Variants in DCP1A observed in about 807,000 individuals in gnomAD.
The protein encoded by DCP1A is mRNA-decapping enzyme 1A.
A neutral mutation model predicts 58.0 loss-of-function variants in DCP1A; 20 were observed. The observed-to-expected ratio is 0.34, with a 90% confidence interval of 0.24 to 0.50. The LOEUF (loss-of-function observed/expected upper bound fraction) is 0.50. Ranked by LOEUF, DCP1A falls within the 20% of genes least tolerant of loss-of-function variation. The pLI, the probability that DCP1A is intolerant of heterozygous loss-of-function variation, is 0.98. For synonymous variants in DCP1A, 285 were observed against 275.1 expected (o/e 1.04, Z -0.36); for missense variants, 613 against 712.2 (o/e 0.86, Z 1.59).
intron 5 of DCP1A, among the ~76,000 whole-genome samples, chr3:53,306,179 CCCAAATGA>C (rs1253810899): frequency 6.6e-6 from 1 of 152,144 alleles, no homozygotes; most frequent in Non-Finnish European, 1.5e-5. Context: ...TTTTTTCCCA[CCCAAATGA>C]CTTAATCCTT....
intron 5 of DCP1A, 67 bp from the exon 6 acceptor site, chr3:53,304,357 CA>C: frequency 9.0e-7 from 1 of 1,112,398 alleles, no homozygotes; most frequent in East Asian, 2.4e-5. Flanking sequence ...GCTCACAAAA[CA>C]GCATCTGAGG....
chr3:53,295,597 A>G (rs1386690470), intron 6 of DCP1A, among the ~76,000 whole-genome samples: 1 of 151,998 alleles, frequency 6.6e-6, no homozygotes, highest in Non-Finnish European at 1.5e-5. Flanking sequence ...GTCAGACTGG[A>G]GTGCAGTGGT....
intron 3 of DCP1A, among the ~76,000 whole-genome samples, chr3:53,331,848 C>T (rs1480849971): frequency 1.3e-5 from 2 of 152,192 alleles, no homozygotes; most frequent in African/African-American, 2.4e-5. Flanking sequence ...AATCAAAAGA[C>T]CTCTGACACT....
At chr3:53,294,826 C>G (rs184552647) in intron 6 of DCP1A, among the ~76,000 whole-genome samples, 30 of 152,300 alleles carry the variant, frequency 2.0e-4, no homozygotes, top group African/African-American at 6.7e-4. Context: ...TGTTTAATGT[C>G]AGCACTCCTA....
At chr3:53,325,576 G>A (rs1230279407) in intron 3 of DCP1A, among the ~76,000 whole-genome samples, 3 of 152,138 alleles carry the variant, frequency 2.0e-5, no homozygotes, top group African/African-American at 4.8e-5. Context: ...ACAAGAAAAC[G>A]GGCTTTGGGT....
At chr3:53,320,240 C>T (rs1227889770) in intron 3 of DCP1A, among the ~76,000 whole-genome samples, 2 of 152,206 alleles carry the variant, frequency 1.3e-5, no homozygotes, top group Non-Finnish European at 2.9e-5. Flanking sequence ...TGAGCTCAGT[C>T]TATGGCATTT....
chr3:53,336,523 T>C (rs1553691950), intron 3 of DCP1A, among the ~76,000 whole-genome samples: 2 of 152,238 alleles, frequency 1.3e-5, no homozygotes. Context: ...AAGGGTTGTA[T>C]AATCCTGCTG....
chr3:53,324,414 T>C (rs782042544), intron 3 of DCP1A, among the ~76,000 whole-genome samples: 3 of 152,298 alleles, frequency 2.0e-5, no homozygotes, highest in Admixed American at 6.5e-5. Context: ...GTTCACCAGA[T>C]AGCTAAAACT....
intron 5 of DCP1A, among the ~76,000 whole-genome samples, chr3:53,310,437 T>C (rs1273726740): frequency 6.6e-6 from 1 of 152,248 alleles, no homozygotes; most frequent in Non-Finnish European, 1.5e-5. Flanking sequence ...GTATCTGCTT[T>C]AGTGCGCAGC....
intron 3 of DCP1A, among the ~76,000 whole-genome samples, chr3:53,333,960 G>A (rs1236610516): frequency 1.3e-5 from 2 of 151,736 alleles, no homozygotes; most frequent in African/African-American, 2.4e-5. Context: ...AGTTTTTAAA[G>A]TTTCTTGAAA....
At chr3:53,299,050 A>G (rs1375698784) in intron 6 of DCP1A, among the ~76,000 whole-genome samples, 1 of 151,990 alleles carries the variant, frequency 6.6e-6, no homozygotes, top group Non-Finnish European at 1.5e-5. Context: ...AATACACTCT[A>G]TGATGTTCGG....
At chr3:53,305,345 A>T (rs944128525) in intron 5 of DCP1A, among the ~76,000 whole-genome samples, 6 of 66,986 alleles carry the variant, frequency 9.0e-5, no homozygotes, top group Admixed American at 1.8e-4. Flanking sequence ...GTGGACAAAA[A>T]TTTTTTTTTC....
chr3:53,301,944 G>A (rs1321651969), intron 6 of DCP1A, among the ~76,000 whole-genome samples: 1 of 152,176 alleles, frequency 6.6e-6, no homozygotes, highest in Non-Finnish European at 1.5e-5. Flanking sequence ...AGGGCTAAAC[G>A]ATGGCGGGAT....
chr3:53,341,204 C>T (rs1171460869), intron 3 of DCP1A, among the ~76,000 whole-genome samples: 1 of 152,012 alleles, frequency 6.6e-6, no homozygotes, highest in Non-Finnish European at 1.5e-5. Context: ...CCTATAATCC[C>T]AGCATTTTGG....
At chr3:53,295,939 C>T (rs1265357146) in intron 6 of DCP1A, among the ~76,000 whole-genome samples, 3 of 150,478 alleles carry the variant, frequency 2.0e-5, no homozygotes, top group African/African-American at 7.4e-5. Flanking sequence ...ATCGCCCAGG[C>T]TCAAGTGCGG....
chr3:53,323,590 G>A (rs547294992), intron 3 of DCP1A, among the ~76,000 whole-genome samples: 113 of 152,238 alleles, frequency 7.4e-4, no homozygotes, highest in Non-Finnish European at 1.4e-3. Flanking sequence ...ATATGCGGCC[G>A]GGTGCAGTGG....
At chr3:53,328,186 T>C (rs2106869950) in intron 3 of DCP1A, among the ~76,000 whole-genome samples, 1 of 151,566 alleles carries the variant, frequency 6.6e-6, no homozygotes, top group South Asian at 2.1e-4. Flanking sequence ...ACTTTGTAAG[T>C]GACTCAGACC....
rs1334811287 is a variant in DCP1A, at chr3:53,292,543, A to T, written c.909T>A (p.Asn303Lys). The T allele has an allele frequency of 9.3e-6, 15 of 1,613,932 alleles. No homozygotes were observed. Among genetic ancestry groups the T allele is most frequent in the Non-Finnish European group, 1.1e-5 (13 of 1,179,892 alleles). ...LITPASITQSNEKHAPTYTIP... is the reference protein window; with the variant it reads ...LITPASITQSKEKHAPTYTIP... ...TTGTGTAGGTTGGAGCATGCTTTTC[A>T]TTGGACTGTGTGATGGAGGCTGGAG... The change falls in exon 7 of 10, where the codon AAT (asparagine) becomes AAA (lysine). Residue 303 changes from asparagine (N) to lysine (K), a missense_variant. Asn to Lys is a moderately conservative substitution (Grantham distance 94). Coordinates refer to ENST00000610213, the MANE Select transcript of DCP1A (RefSeq NM_018403.7).
chr3:53,288,695 G>T (rs543575721), intron 8 of DCP1A, among the ~76,000 whole-genome samples: 1 of 152,254 alleles, frequency 6.6e-6, no homozygotes, highest in African/African-American at 2.4e-5. Context: ...ATATTGATTG[G>T]GTTGCCCAAG....
Sources: allele counts gnomAD v4.1 joint callset (sites outside exome capture counted in the v4.1 genomes callset), GRCh38; gene constraint gnomAD v4.1.1; transcripts MANE v1.5; gene names NCBI Gene and HGNC (gene_info 2026-07-23, HGNC 2026-07-21).